COPB1: variants seen among roughly 807,000 people sequenced by gnomAD.
The protein encoded by COPB1 is coat protein complex I subunit beta 1, also known as coatomer subunit beta.
A neutral mutation model predicts 108.7 loss-of-function variants in COPB1; 21 were observed. That is an observed-to-expected ratio of 0.19 (90% CI 0.14 to 0.28). The LOEUF (loss-of-function observed/expected upper bound fraction) is 0.28, where lower values mean the gene tolerates loss of function less well. Among genes scored for constraint, COPB1 ranks in the 10% least tolerant of loss-of-function variants. The pLI is 1.00. For synonymous variants in COPB1, 378 were observed against 386.8 expected, an observed-to-expected ratio of 0.98 and a Z score of 0.27; for missense variants, 919 against 1,141.3, an observed-to-expected ratio of 0.81 and a Z score of 2.81.
At chr11:14,476,445 A>G (rs34991075) in intron 12 of COPB1, among the ~76,000 whole-genome samples, 449 of 152,386 alleles carry the variant, frequency 2.9e-3, no homozygotes, top group Non-Finnish European at 5.4e-3. Context: ...ATACCAGTCC[A>G]TTACCTAATA....
chr11:14,490,324 A>G (rs1314636160), intron 5 of COPB1, among the ~76,000 whole-genome samples: 1 of 152,220 alleles, frequency 6.6e-6, no homozygotes, highest in Non-Finnish European at 1.5e-5. Flanking sequence ...TAAAAACTGT[A>G]GGGTGGCTGC....
At chr11:14,494,141 A>C in intron 3 of COPB1, 69 bp downstream of exon 3, 1 of 1,065,988 alleles carries the variant, frequency 9.4e-7, no homozygotes, top group Non-Finnish European at 1.4e-6. Context: ...CAATTAAAAC[A>C]CAGCCCATTC....
chr11:14,492,604 A>T (rs935702695), intron 4 of COPB1, among the ~76,000 whole-genome samples: 1 of 151,856 alleles, frequency 6.6e-6, no homozygotes, highest in East Asian at 1.9e-4. Context: ...CGGCCTCCCA[A>T]AGTGCTGGGA....
chr11:14,499,748 C>T lies in COPB1; in HGVS notation c.-99G>A, dbSNP rs1342845595. ...GGGGCTTGTGGCCCACTACCAGGCT[C>T]CGAGGGGCAGTGGTTTGGTGCAGCC... On this transcript the variant is annotated 5_prime_UTR_variant, in exon 1 of 22. Transcript: ENST00000439561. 1 of 152,332 alleles carries T rather than the reference C, an allele frequency of 6.6e-6. No homozygotes were observed. The highest frequency in any genetic ancestry group is 1.5e-5 in the Non-Finnish European group (1 of 68,158). 9.4% of individuals were successfully genotyped at this position (152,332 alleles called of 1,614,324 possible).
chr11:14,469,581 T>C lies in COPB1; in HGVS notation c.1738-18A>G. 1 of 1,594,038 alleles carries C rather than the reference T, an allele frequency of 6.3e-7. No individual in the cohort carries two copies. The highest frequency in any genetic ancestry group is 8.6e-7 in the Non-Finnish European group (1 of 1,162,128). On this transcript the variant is annotated intron_variant, in intron 14 of 21. Coordinates refer to ENST00000439561, the MANE Select transcript of COPB1 (RefSeq NM_001144061.2). ...ACAAAAGACTAAGAAAGTAAAGAAA[T>C]CGGTTACTGATATTGTCTTGATTCT...
At chr11:14,496,301 G>T (rs1418100598) in intron 2 of COPB1, among the ~76,000 whole-genome samples, 1 of 151,724 alleles carries the variant, frequency 6.6e-6, no homozygotes, top group African/African-American at 2.4e-5. Flanking sequence ...ACAAAAAGGA[G>T]ACACGGTATA....
chr11:14,475,206 G>T (rs752674807), intron 13 of COPB1, among the ~76,000 whole-genome samples: 11 of 151,066 alleles, frequency 7.3e-5, no homozygotes, highest in Admixed American at 1.3e-4. Flanking sequence ...TGCAGCTAAT[G>T]AAGTACCTCC....
At position 14,493,709 on chromosome 11, in the gene COPB1, C is replaced by T. The variant is rs1169890003; in HGVS notation, c.424G>A (p.Ala142Thr). The change falls in exon 4 of 22, where the codon GCA (alanine) becomes ACA (threonine). Residue 142 changes from alanine to threonine, a missense_variant. By Grantham distance (58) the Ala-to-Thr change is moderately conservative. Coordinates refer to ENST00000439561, the MANE Select transcript of COPB1 (RefSeq NM_001144061.2). The part of the protein sequence containing the change: ...LLEPLMPAIR[A>T]CLEHRHSYVR... The stretch of plus-strand genomic sequence containing the variant: ...TAGCTGTGTCGATGCTCCAAACATG[C>T]ACGAATAGCTGGCATTAAAGGTTCT... 1 of 1,613,814 alleles carries T rather than the reference C, an allele frequency of 6.2e-7. No individual in the cohort carries two copies. Among genetic ancestry groups the T allele is most frequent in the South Asian group, 1.1e-5 (1 of 90,976 alleles).
chr11:14,483,249 C>A (rs1850702479), intron 7 of COPB1, 98 bp from the exon 8 acceptor site: 1 of 667,154 alleles, frequency 1.5e-6, no homozygotes, highest in South Asian at 3.1e-5. Flanking sequence ...CACACACACA[C>A]ACACACACAC....
At chr11:14,495,792 T>C (rs1370082525) in intron 2 of COPB1, among the ~76,000 whole-genome samples, 1 of 152,262 alleles carries the variant, frequency 6.6e-6, no homozygotes, top group Non-Finnish European at 1.5e-5. Context: ...GCAGATTTTA[T>C]TCTTTACCTT....
chr11:14,491,375 A>T (rs1199595925), intron 4 of COPB1, among the ~76,000 whole-genome samples: 1 of 152,012 alleles, frequency 6.6e-6, no homozygotes. Flanking sequence ...AATCAATTAG[A>T]ACTGGGAGAA....
Position 14,475,736 on chromosome 11 carries a change from G to A in COPB1, c.1616+49C>T, listed in dbSNP as rs752429145. 59 of 1,436,366 alleles carry A rather than the reference G, an allele frequency of 4.1e-5. No individual in the cohort carries two copies. In the African/African-American group the frequency reaches 7.0e-4, roughly 17 times the overall value. The allele number at this position is 1,436,366 out of a possible 1,614,324, so 89.0% of individuals were successfully genotyped here. A position where few individuals can be genotyped will look rare whatever the true frequency, so the allele number is the denominator to read the frequency against. ...TCATTTGACTGTCTTACATACAAGA[G>A]TAATAATAAAAGTAGTACAGCTGGC... On this transcript the variant is annotated intron_variant, in intron 13 of 21. Coordinates refer to ENST00000439561, the MANE Select transcript of COPB1 (RefSeq NM_001144061.2).
At chr11:14,461,044 A>C (rs927976424) in intron 19 of COPB1, 142 bp downstream of exon 19, 2 of 1,031,164 alleles carry the variant, frequency 1.9e-6, no homozygotes, top group Non-Finnish European at 2.9e-6. Context: ...GTTAAGGCTA[A>C]TTTGCAAGAA....
intron 19 of COPB1, 127 bp from the exon 20 acceptor site, chr11:14,460,424 T>C: frequency 3.4e-6 from 2 of 590,316 alleles, no homozygotes; most frequent in South Asian, 4.4e-5. Flanking sequence ...ACCAAGAAAC[T>C]AAATAACATC....
At chr11:14,497,089 C>T (rs1322327199) in intron 2 of COPB1, among the ~76,000 whole-genome samples, 2 of 152,148 alleles carry the variant, frequency 1.3e-5, no homozygotes, top group Non-Finnish European at 2.9e-5. Context: ...GAAACTACTA[C>T]AAGAAAATAT....
At chr11:14,494,653 CTT>C in intron 2 of COPB1, 3 of 446,980 alleles carry the variant, frequency 6.7e-6, no homozygotes, top group Non-Finnish European at 1.2e-5. Flanking sequence ...AAATCAGACT[CTT>C]TATATATAAT....
chr11:14,470,920 A>G (rs1850384700), intron 14 of COPB1, among the ~76,000 whole-genome samples: 1 of 131,496 alleles, frequency 7.6e-6, no homozygotes, highest in South Asian at 2.2e-4. Flanking sequence ...ACACACACAC[A>G]CACACACACA....
intron 12 of COPB1, among the ~76,000 whole-genome samples, chr11:14,476,693 G>C (rs1275894160): frequency 6.6e-6 from 1 of 150,770 alleles, no homozygotes; most frequent in Non-Finnish European, 1.5e-5. Flanking sequence ...ATATTCTGAA[G>C]TCAGACTTAC....
At chr11:14,465,650 T>G (rs949245086) in intron 17 of COPB1, among the ~76,000 whole-genome samples, 6 of 152,206 alleles carry the variant, frequency 3.9e-5, no homozygotes, top group African/African-American at 7.2e-5. Flanking sequence ...AGAAACATGG[T>G]TTTTTATACA....
Sources: gnomAD v4.1 joint callset for allele counts (sites outside exome capture counted in the v4.1 genomes callset) on GRCh38, gnomAD v4.1.1 for gene constraint, MANE v1.5 for transcripts, NCBI Gene and HGNC (gene_info 2026-07-23, HGNC 2026-07-21) for gene names.